Variants in R3HDM1 observed in about 807,000 individuals in gnomAD.
R3HDM1 encodes the protein R3H domain containing 1, also known as R3H domain-containing protein 1.
Under a neutral mutation model 141.1 loss-of-function variants are expected in R3HDM1, and 46 were observed. That is an observed-to-expected ratio of 0.33 (90% confidence interval 0.26 to 0.42). The LOEUF (loss-of-function observed/expected upper bound fraction) is 0.42. Ranked by LOEUF, R3HDM1 falls within the 10% of genes least tolerant of loss-of-function variation. The pLI is 1.00. For missense variants in R3HDM1, 1,184 were observed against 1,368.3 expected (o/e 0.87, Z 2.12); for synonymous variants, 435 against 472.9 (o/e 0.92, Z 1.04).
At chr2:135,693,788 A>C (rs1304313915) in intron 21 of R3HDM1, among the ~76,000 whole-genome samples, 1 of 152,154 alleles carries the variant, frequency 6.6e-6, no homozygotes, top group Admixed American at 6.5e-5. Context: ...CATGTGGATC[A>C]TCTGAGGTCA....
chr2:135,600,706 A>G (rs959611193), intron 1 of R3HDM1, among the ~76,000 whole-genome samples: 4 of 152,178 alleles, frequency 2.6e-5, no homozygotes, highest in African/African-American at 7.2e-5. Context: ...GGTCATTTTC[A>G]TTCTGAATCA....
At chr2:135,587,725 T>A (rs1708262500) in intron 1 of R3HDM1, among the ~76,000 whole-genome samples, 1 of 152,296 alleles carries the variant, frequency 6.6e-6, no homozygotes, top group East Asian at 1.9e-4. Flanking sequence ...CCATCCTTTG[T>A]CATATTCTGC....
chr2:135,690,689 C>T (rs989206463), intron 21 of R3HDM1, among the ~76,000 whole-genome samples: 8 of 151,100 alleles, frequency 5.3e-5, no homozygotes, highest in Non-Finnish European at 1.0e-4. Context: ...ACATTCATTT[C>T]TTCTTTAGTG....
At chr2:135,674,927 T>C (rs1475031772) in intron 19 of R3HDM1, among the ~76,000 whole-genome samples, 2 of 151,714 alleles carry the variant, frequency 1.3e-5, no homozygotes, top group Admixed American at 6.6e-5. Context: ...TTGAAATTCT[T>C]AATAGTTGTT....
chr2:135,636,397 T>G (rs1410951660), intron 11 of R3HDM1, among the ~76,000 whole-genome samples: 1 of 152,136 alleles, frequency 6.6e-6, no homozygotes, highest in Admixed American at 6.5e-5. Flanking sequence ...TTTACAAAAG[T>G]TGGAAGCAGG....
chr2:135,675,064 T>C (rs2068950296), intron 19 of R3HDM1, among the ~76,000 whole-genome samples: 1 of 152,104 alleles, frequency 6.6e-6, no homozygotes, highest in South Asian at 2.1e-4. Context: ...TGAATAGTAA[T>C]TGTCCTATGT....
chr2:135,610,961 T>G (rs565302065), intron 3 of R3HDM1, among the ~76,000 whole-genome samples: 5 of 151,640 alleles, frequency 3.3e-5, no homozygotes, highest in Admixed American at 3.3e-4. Context: ...AATAAAAAAA[T>G]TATTCATGCG....
intron 14 of R3HDM1, among the ~76,000 whole-genome samples, chr2:135,640,098 CAAAA>C (rs909774063): frequency 2.9e-5 from 2 of 69,860 alleles, no homozygotes; most frequent in East Asian, 8.3e-4. Context: ...GACTCCGTCT[CAAAA>C]AAAAAAAAAA....
chr2:135,532,964 C>T (rs1695250100), intron 1 of R3HDM1, among the ~76,000 whole-genome samples: 1 of 152,150 alleles, frequency 6.6e-6, no homozygotes, highest in South Asian at 2.1e-4. Flanking sequence ...AGGCCCATTT[C>T]TGAGGTTTAC....
At chr2:135,693,377 A>G (rs941101848) in intron 21 of R3HDM1, among the ~76,000 whole-genome samples, 9 of 152,192 alleles carry the variant, frequency 5.9e-5, no homozygotes, top group Non-Finnish European at 7.3e-5. Context: ...AAAAAGACAA[A>G]GAGGCAGTGG....
chr2:135,722,711 C>A (rs2076811745), intron 26 of R3HDM1, among the ~76,000 whole-genome samples, 158 bp downstream of exon 26: 2 of 152,020 alleles, frequency 1.3e-5, no homozygotes, highest in Admixed American at 1.3e-4. Flanking sequence ...GTTCCTATGA[C>A]CTTGTGTCAT....
At position 135,645,421 on chromosome 2, in the gene R3HDM1, ATCC is replaced by A; in HGVS notation, c.1522_1524del (p.Pro508del). The A allele has an allele frequency of 6.2e-7, 1 of 1,612,880 alleles. No individual in the cohort carries two copies. Among genetic ancestry groups the A allele is most frequent in the East Asian group, 2.2e-5 (1 of 44,868 alleles). On this transcript the variant is annotated inframe_deletion, in exon 16 of 27. Transcript: ENST00000683871. ...CCAGATGGGAGTCCAGTTGTGTATA[ATCC>A]TCCTATGACTCAACAACCAGTTAGA... is the stretch of plus-strand genomic sequence containing the variant.
Position 135,709,499 on chromosome 2 carries a change from A to C in R3HDM1, c.2526A>C (p.Pro842=). 6.2e-7 allele frequency: 1 copy of C among 1,614,148 alleles called. No homozygotes were observed. Among genetic ancestry groups the C allele is most frequent in the South Asian group, 1.1e-5 (1 of 91,080 alleles). Residue 842 remains proline, a synonymous_variant, in exon 22 of 27, where the codon CCA becomes CCC. Coordinates refer to ENST00000683871, the MANE Select transcript of R3HDM1 (RefSeq NM_001378107.1). ...TACAATTTCCTCGAACCACTTCACC[A>C]TGCAGTTCCCAGCAGCTTCAAGGCC... ...EQVQFPRTTS[P]CSSQQLQGHQ...
chr2:135,699,045 A>AGATAGATAGATT (rs202144929), intron 21 of R3HDM1, among the ~76,000 whole-genome samples: 5,654 of 129,850 alleles, frequency 0.044, 332 homozygotes, highest in Non-Finnish European at 0.058. Flanking sequence ...ATAGATAGAT[A>AGATAGATAGATT]AGATAGATAA....
chr2:135,648,282 A>T (rs1032449827), intron 16 of R3HDM1, among the ~76,000 whole-genome samples: 1 of 152,106 alleles, frequency 6.6e-6, no homozygotes, highest in Non-Finnish European at 1.5e-5. Flanking sequence ...TTTTAAGCTT[A>T]TCTAAGCTTT....
At chr2:135,532,080 G>T (rs1694948019) in intron 1 of R3HDM1, among the ~76,000 whole-genome samples, 1 of 152,228 alleles carries the variant, frequency 6.6e-6, no homozygotes, top group Admixed American at 6.5e-5. Context: ...CCTGCCAAGA[G>T]CGTGGTACTG....
At chr2:135,723,570 G>A (rs1023040216) in intron 26 of R3HDM1, among the ~76,000 whole-genome samples, 1 of 150,658 alleles carries the variant, frequency 6.6e-6, no homozygotes, top group Non-Finnish European at 1.5e-5. Flanking sequence ...TCAGGAGTTC[G>A]AGACCAGCCT....
chr2:135,678,022 T>C (rs1245934785), intron 20 of R3HDM1, among the ~76,000 whole-genome samples: 1 of 152,140 alleles, frequency 6.6e-6, no homozygotes, highest in Non-Finnish European at 1.5e-5. Context: ...CGGAGTGCAG[T>C]GGTGTGATCT....
intron 1 of R3HDM1, among the ~76,000 whole-genome samples, chr2:135,575,210 A>G (rs1705123484): frequency 6.6e-6 from 1 of 152,208 alleles, no homozygotes; most frequent in South Asian, 2.1e-4. Context: ...CCTCGACCCA[A>G]ACTGTTTTTT....
Sources: allele counts gnomAD v4.1 joint callset (sites outside exome capture counted in the v4.1 genomes callset), GRCh38; gene constraint gnomAD v4.1.1; transcripts MANE v1.5; gene names NCBI Gene and HGNC (gene_info 2026-07-23, HGNC 2026-07-21).